The following DOCK1 variants were observed in gnomAD, a reference collection of about 807,000 sequenced individuals.
DOCK1 encodes dedicator of cytokinesis 1, also known as dedicator of cytokinesis protein 1.
Under a neutral mutation model 262.7 loss-of-function variants are expected in DOCK1, and 138 were observed. The ratio of observed to expected loss-of-function variants is 0.53; its 90% CI spans 0.46 to 0.61. The LOEUF (loss-of-function observed/expected upper bound fraction) is 0.61. Ranked by LOEUF, DOCK1 falls within the 20% of genes least tolerant of loss-of-function variation. The pLI, the probability that DOCK1 is intolerant of heterozygous loss-of-function variation, is 0.00. For synonymous variants in DOCK1, 866 were observed against 867.4 expected, an observed-to-expected ratio of 1.00 and a Z score of 0.03; for missense variants, 1,908 against 2,370.7, an observed-to-expected ratio of 0.80 and a Z score of 4.05.
chr10:126,955,386 A>G (rs1293066000), intron 1 of DOCK1, among the ~76,000 whole-genome samples: 3 of 152,230 alleles, frequency 2.0e-5, no homozygotes, highest in African/African-American at 7.2e-5. Flanking sequence ...TTGGCCTCCC[A>G]AAGGGCTGGG....
chr10:127,339,877 A>G (rs767484678), intron 30 of DOCK1, among the ~76,000 whole-genome samples: 39 of 152,286 alleles, frequency 2.6e-4, no homozygotes, highest in Non-Finnish European at 5.3e-4. Context: ...TTATTTTAGT[A>G]AAGTATACAA....
At chr10:127,031,825 C>G (rs993623984) in intron 17 of DOCK1, 72 bp downstream of exon 17, 1 of 1,298,922 alleles carries the variant, frequency 7.7e-7, no homozygotes, top group African/African-American at 1.5e-5. Flanking sequence ...CTGACCTGGA[C>G]CAACCTTTCC....
chr10:127,251,302 A>G (rs1029618180), intron 28 of DOCK1, among the ~76,000 whole-genome samples: 4 of 152,148 alleles, frequency 2.6e-5, no homozygotes, highest in Non-Finnish European at 5.9e-5. Context: ...ATTAAATAAA[A>G]GATTATTTTG....
rs1177788829 is a variant in DOCK1 at position 126,995,140 on chromosome 10, G to A, written c.474-1608G>A. Among the ~76,000 whole-genome samples the A allele has an allele frequency of 6.6e-6, 1 of 151,110 alleles. No homozygotes were observed. The highest frequency in any genetic ancestry group is 2.4e-5 in the African/African-American group (1 of 40,988). ...AGACGATGGGCGGCCGGGCAGAGAC[G>A]CTCCTCACTTCTAGACGGGATGACG... On this transcript the variant is annotated intron_variant, in intron 6 of 51. Transcript: ENST00000623213. This position sits in a 1 kb window ranked among gnomAD's most constrained non-coding sequence, Gnocchi z 5.8.
At chr10:127,442,945 C>A (rs964119221) in intron 49 of DOCK1, among the ~76,000 whole-genome samples, 5 of 152,232 alleles carry the variant, frequency 3.3e-5, no homozygotes, top group African/African-American at 1.2e-4. Context: ...CAGTGCCAGC[C>A]CCTCGTGTGG....
intron 29 of DOCK1, among the ~76,000 whole-genome samples, chr10:127,300,926 G>C (rs541398710): frequency 2.6e-5 from 4 of 152,192 alleles, no homozygotes; most frequent in African/African-American, 9.7e-5. Flanking sequence ...GCCGGCAGCC[G>C]GGAGGGCTGG....
intron 25 of DOCK1, among the ~76,000 whole-genome samples, chr10:127,121,042 T>C (rs895607635): frequency 6.6e-6 from 1 of 152,174 alleles, no homozygotes; most frequent in African/African-American, 2.4e-5. Flanking sequence ...TTAAACGCTC[T>C]AGATACAAAG....
chr10:127,433,836 CT>C (rs201225701), intron 48 of DOCK1, among the ~76,000 whole-genome samples: 358 of 144,406 alleles, frequency 2.5e-3, no homozygotes, highest in South Asian at 4.6e-3. Context: ...GTGATTTCTT[CT>C]TTTTTTTTTT....
chr10:127,088,795 C>T (rs538736452), intron 23 of DOCK1, among the ~76,000 whole-genome samples: 52 of 152,154 alleles, frequency 3.4e-4, no homozygotes, highest in African/African-American at 1.1e-3. Context: ...TGTATGACTG[C>T]GCCTCCCTCA....
At chr10:127,057,490 C>T (rs2045239854) in intron 22 of DOCK1, among the ~76,000 whole-genome samples, 1 of 152,194 alleles carries the variant, frequency 6.6e-6, no homozygotes, top group Non-Finnish European at 1.5e-5. Flanking sequence ...TATGCAGTCT[C>T]ATATTTTTTG....
chr10:127,404,462 A>AT (rs751333059), intron 40 of DOCK1, 33 bp downstream of exon 40: 7 of 1,593,674 alleles, frequency 4.4e-6, no homozygotes, highest in Non-Finnish European at 6.0e-6. Flanking sequence ...CTGAGCCATG[A>AT]TTGTTCCCCC....
intron 29 of DOCK1, among the ~76,000 whole-genome samples, chr10:127,308,452 T>C (rs1454509737): frequency 6.6e-6 from 1 of 152,240 alleles, no homozygotes; most frequent in African/African-American, 2.4e-5. Flanking sequence ...AGTTCCTGGA[T>C]ACAAGTTCAG....
intron 6 of DOCK1, among the ~76,000 whole-genome samples, chr10:126,990,860 C>T (rs1236378233): frequency 2.6e-5 from 4 of 152,138 alleles, no homozygotes; most frequent in South Asian, 2.1e-4. Context: ...TCATTTTCAC[C>T]GTTCTGGAGG....
intron 1 of DOCK1, among the ~76,000 whole-genome samples, chr10:126,949,107 C>A (rs1737522370): frequency 1.3e-5 from 2 of 152,234 alleles, no homozygotes; most frequent in South Asian, 4.2e-4. Flanking sequence ...GGAGGTGCAT[C>A]CTGCCCTTGC....
intron 23 of DOCK1, among the ~76,000 whole-genome samples, chr10:127,084,085 T>G (rs1174685244): frequency 6.6e-6 from 1 of 152,236 alleles, no homozygotes; most frequent in Admixed American, 6.5e-5. Flanking sequence ...GTTATTTTTT[T>G]ACCTCCTTTA....
At position 127,409,336 on chromosome 10, in the gene DOCK1, C is replaced by A; in HGVS notation, c.4288C>A (p.Pro1430Thr). The stretch of plus-strand genomic sequence containing the variant: ...AGATATTCAGTGCTTCACAGTGAAG[C>A]CCAAACTCGATCTGCCTCCTAAGTT... ...GQYIQCFTVKPKLDLPPKFHR... is the reference protein window; with the variant it reads ...GQYIQCFTVKTKLDLPPKFHR... Residue 1430 changes from proline (P) to threonine (T), a missense_variant, in exon 42 of 52, where the codon CCC (proline) becomes ACC (threonine). Physicochemically the swap from Pro to Thr is conservative, Grantham distance 38. Coordinates refer to ENST00000623213, the MANE Select transcript of DOCK1 (RefSeq NM_001290223.2). 6.2e-7 allele frequency: 1 copy of A among 1,613,928 alleles called. No individual in the cohort carries two copies. Among genetic ancestry groups the A allele is most frequent in the East Asian group, 2.2e-5 (1 of 44,872 alleles).
rs575244286 is a variant in DOCK1 at position 127,084,357 on chromosome 10, C to T, written c.2446-21874C>T. The stretch of plus-strand genomic sequence containing the variant: ...TCAAAGACCCTCTCTCACCAGCAAG[C>T]GGTTCTCATTCAATCTAAGCATGTT... On this transcript the variant is annotated intron_variant, in intron 23 of 51. Transcript: ENST00000623213. Among the ~76,000 whole-genome samples the T allele has an allele frequency of 2.6e-4, 39 of 152,326 alleles. 1 individual carries two copies. The South Asian group carries it at 7.7e-3, about 30-fold the overall frequency.
Position 126,960,745 on chromosome 10 carries a change from T to TATATATATATATACAC in DOCK1, c.47-9956_47-9955insTATATATATATACACA, listed in dbSNP as rs1429186588. Among the ~76,000 whole-genome samples, 1,041 of 115,272 alleles carry TATATATATATATACAC rather than the reference T, an allele frequency of 9.0e-3. 18 individuals carry two copies. Among genetic ancestry groups the TATATATATATATACAC allele is most frequent in the African/African-American group, 0.039 (958 of 24,862 alleles). 75.6% of individuals were successfully genotyped at this position (115,272 alleles called of 152,430 possible). Reference sequence around the variant, plus strand: ...TCAAATATATATATATATATATATATACACACACACACACACAGACACATA... The same window carrying TATATATATATATACAC: ...TCAAATATATATATATATATATATATATATATATATATACACACACACACACACACACAGACACATA... On this transcript the variant is annotated intron_variant, in intron 1 of 51. Transcript: ENST00000623213.
Position 126,999,336 on chromosome 10 carries a change from A to G in DOCK1, c.768-18A>G, listed in dbSNP as rs1250585052. On this transcript the variant is annotated intron_variant, in intron 8 of 51. Transcript: ENST00000623213. ...TTATTTGGAAAATTAACTTGCTTTT[A>G]TTTCTCCATTTTTCAAGTGAGAACT... 6.2e-7 allele frequency: 1 copy of G among 1,606,792 alleles called. No individual in the cohort carries two copies. The highest frequency in any genetic ancestry group is 1.1e-5 in the South Asian group (1 of 89,898).
Sources: allele counts gnomAD v4.1 joint callset (sites outside exome capture counted in the v4.1 genomes callset), GRCh38; gene constraint gnomAD v4.1.1; non-coding constraint Gnocchi (gnomAD v3.1); transcripts MANE v1.5; gene names NCBI Gene and HGNC (gene_info 2026-07-23, HGNC 2026-07-21).